DET1: variants seen among roughly 807,000 people sequenced by gnomAD.
DET1 encodes DET1 partner of COP1 E3 ubiquitin ligase.
Under a neutral mutation model 43.7 loss-of-function variants are expected in DET1, and 22 were observed. The observed-to-expected ratio is 0.50, with a 90% CI of 0.36 to 0.72. The LOEUF (loss-of-function observed/expected upper bound fraction) is 0.72, where lower values mean the gene tolerates loss of function less well. DET1 is among the 30% of genes least tolerant of loss of function. DET1 has a pLI of 0.00. For missense variants in DET1, 713 were observed against 713.3 expected (o/e 1.00, Z 0.00); for synonymous variants, 315 against 266.2 (o/e 1.18, Z -1.79).
At chr15:88,514,089 G>A (rs1403322562) in intron 4 of DET1, among the ~76,000 whole-genome samples, 13 of 150,066 alleles carry the variant, frequency 8.7e-5, no homozygotes, top group Admixed American at 6.6e-4. Flanking sequence ...GTGAGCCACC[G>A]CGCCCGGCCA....
chr15:88,507,509 G>C (rs2056153933), downstream of DET1, among the ~76,000 whole-genome samples: 1 of 152,136 alleles, frequency 6.6e-6, no homozygotes, highest in South Asian at 2.1e-4. Flanking sequence ...CTTCACTCTA[G>C]GGATGTCCCC....
intron 3 of DET1, among the ~76,000 whole-genome samples, chr15:88,526,772 A>G (rs1364173133): frequency 6.6e-6 from 1 of 152,228 alleles, no homozygotes; most frequent in East Asian, 1.9e-4. Context: ...CAATCTGTTC[A>G]GAGAATAAAC....
At chr15:88,536,772 A>G (rs2056963557) in intron 1 of DET1, among the ~76,000 whole-genome samples, 1 of 141,496 alleles carries the variant, frequency 7.1e-6, no homozygotes, top group South Asian at 2.1e-4. Context: ...CTCCATCTCA[A>G]AAAAAAAAAA....
chr15:88,507,781 G>A (rs140303925), downstream of DET1, among the ~76,000 whole-genome samples: 83 of 152,338 alleles, frequency 5.4e-4, 1 homozygote, highest in Non-Finnish European at 9.6e-4. Context: ...CAGGGAAGAG[G>A]AGGAAAGAAC....
intron 3 of DET1, among the ~76,000 whole-genome samples, chr15:88,526,273 C>A (rs2056660707): frequency 6.6e-6 from 1 of 152,232 alleles, no homozygotes; most frequent in African/African-American, 2.4e-5. Flanking sequence ...TTCATCCACT[C>A]ACTGTGGTCT....
chr15:88,526,070 A>C (rs2056654827), intron 3 of DET1, among the ~76,000 whole-genome samples: 1 of 152,238 alleles, frequency 6.6e-6, no homozygotes, highest in Non-Finnish European at 1.5e-5. Flanking sequence ...CATGTTCTGC[A>C]TCTAAAAATT....
intron 1 of DET1, among the ~76,000 whole-genome samples, chr15:88,536,770 C>CAAAAAAAAAAAAAAAAAAAAAAA: frequency 2.1e-5 from 1 of 48,072 alleles, no homozygotes; most frequent in African/African-American, 8.7e-5. Flanking sequence ...GACTCCATCT[C>CAAAAAAAAAAAAAAAAAAAAAAA]AAAAAAAAAA....
chr15:88,515,586 G>T (rs1466585920), intron 4 of DET1, among the ~76,000 whole-genome samples: 1 of 128,378 alleles, frequency 7.8e-6, no homozygotes, highest in African/African-American at 2.8e-5. Context: ...GGGACCAAAT[G>T]CAATGCATGA....
At chr15:88,542,927 C>A (rs1464669190) in intron 1 of DET1, among the ~76,000 whole-genome samples, 1 of 152,190 alleles carries the variant, frequency 6.6e-6, no homozygotes, top group African/African-American at 2.4e-5. Flanking sequence ...AAGTTCTCAC[C>A]CTGCCTGCAA....
rs1491544233 is a variant in DET1 at position 88,515,538 on chromosome 15, T to TAAAAAAAAAAAAAAAAAAAAAA, written c.1463+1243_1463+1244insTTTTTTTTTTTTTTTTTTTTTT. Among the ~76,000 whole-genome samples the TAAAAAAAAAAAAAAAAAAAAAA allele has an allele frequency of 8.4e-5, 4 of 47,466 alleles. 2 individuals carry two copies. The highest frequency in any genetic ancestry group is 1.4e-4 in the Non-Finnish European group (4 of 29,194). The allele number at this position is 47,466 out of a possible 152,430, so 31.1% of individuals were successfully genotyped here. A position where few individuals can be genotyped will look rare whatever the true frequency, so the allele number is the denominator to read the frequency against. On this transcript the variant is annotated intron_variant, in intron 4 of 4. Coordinates refer to ENST00000268148, the MANE Select transcript of DET1 (RefSeq NM_001144074.3). The stretch of plus-strand genomic sequence containing the variant: ...TGGGCAACAGACAGAGACTCCGTCT[T>TAAAAAAAAAAAAAAAAAAAAAA]ATAAAAAAAAAAAAAAAAAAAAAAA...
intron 1 of DET1, among the ~76,000 whole-genome samples, chr15:88,536,770 CAAAAAAAAAA>C (rs58177778): frequency 6.2e-5 from 3 of 48,080 alleles, no homozygotes; most frequent in Non-Finnish European, 1.2e-4. Context: ...GACTCCATCT[CAAAAAAAAAA>C]AAAAAAAAAG....
At chr15:88,525,822 C>G (rs984283352) in intron 3 of DET1, among the ~76,000 whole-genome samples, 2 of 136,486 alleles carry the variant, frequency 1.5e-5, no homozygotes, top group African/African-American at 5.8e-5. Context: ...CCACCACACT[C>G]GGCTATTTTT....
At chr15:88,532,860 G>T (rs1265080360) in intron 1 of DET1, among the ~76,000 whole-genome samples, 1 of 152,182 alleles carries the variant, frequency 6.6e-6, no homozygotes, top group Non-Finnish European at 1.5e-5. Flanking sequence ...CAGGAGGAAA[G>T]CTTCATGACA....
intron 1 of DET1, among the ~76,000 whole-genome samples, chr15:88,534,926 G>C (rs1197602487): frequency 2.0e-5 from 3 of 152,146 alleles, no homozygotes; most frequent in Non-Finnish European, 2.9e-5. Context: ...AGCATATGAA[G>C]TACTAGGAAA....
chr15:88,533,258 G>T (rs754852853), intron 1 of DET1, among the ~76,000 whole-genome samples: 10 of 152,034 alleles, frequency 6.6e-5, no homozygotes, highest in Non-Finnish European at 1.3e-4. Flanking sequence ...CCATTAGAAC[G>T]ACTGCTTTTT....
At chr15:88,534,497 T>C (rs1453075221) in intron 1 of DET1, among the ~76,000 whole-genome samples, 1 of 152,150 alleles carries the variant, frequency 6.6e-6, no homozygotes, top group Non-Finnish European at 1.5e-5. Context: ...AATTTTGTCA[T>C]CAGAGGATCA....
chr15:88,538,884 G>C (rs990897470), intron 1 of DET1, among the ~76,000 whole-genome samples: 9 of 152,166 alleles, frequency 5.9e-5, no homozygotes, highest in Admixed American at 2.6e-4. Context: ...ACTTTGTTCT[G>C]GTTCTGGTAA....
downstream of DET1, among the ~76,000 whole-genome samples, chr15:88,508,123 C>G (rs1245695941): frequency 6.6e-6 from 1 of 152,192 alleles, no homozygotes; most frequent in Non-Finnish European, 1.5e-5. Flanking sequence ...ATGGGAATGT[C>G]TAGTTGCAGG....
At chr15:88,539,389 G>A (rs112225050) in intron 1 of DET1, among the ~76,000 whole-genome samples, 1 of 150,172 alleles carries the variant, frequency 6.7e-6, no homozygotes, top group Admixed American at 6.6e-5. Flanking sequence ...CCCCTCAGGG[G>A]AAGTGACCAG....
Sources: allele counts gnomAD v4.1 joint callset (sites outside exome capture counted in the v4.1 genomes callset), GRCh38; gene constraint gnomAD v4.1.1; transcripts MANE v1.5; gene names NCBI Gene and HGNC (gene_info 2026-07-23, HGNC 2026-07-21).